ZFAND2A: variants seen among roughly 807,000 people sequenced by gnomAD.
The protein encoded by ZFAND2A is AN1-type zinc finger protein 2A.
Under a neutral mutation model 11.6 loss-of-function variants are expected in ZFAND2A, and 20 were observed. The observed-to-expected ratio is 1.72, with a 90% CI of 1.21 to 2.50. The LOEUF (loss-of-function observed/expected upper bound fraction) is 2.50, where lower values mean the gene tolerates loss of function less well. Among genes scored for constraint, ZFAND2A ranks in the 30% most tolerant of loss-of-function variants. The pLI, the probability that ZFAND2A is intolerant of heterozygous loss-of-function variation, is 0.00. For missense variants in ZFAND2A, 234 were observed against 182.9 expected (o/e 1.28, Z -1.61); for synonymous variants, 93 against 60.6 (o/e 1.54, Z -2.48).
At chr7:1,150,010 G>T (rs1374079342), downstream of ZFAND2A, among the ~76,000 whole-genome samples, 1 of 151,832 alleles carries the variant, frequency 6.6e-6, no homozygotes, top group African/African-American at 2.4e-5. Flanking sequence ...GCACCACCAC[G>T]CCCGGCTAAT....
chr7:1,151,583 A>C (rs1003407215), downstream of ZFAND2A, among the ~76,000 whole-genome samples: 4 of 151,924 alleles, frequency 2.6e-5, no homozygotes, highest in Admixed American at 1.3e-4. Context: ...GTTTCAGGCT[A>C]ACCATCTTCA....
At chr7:1,151,826 G>C (rs1029337321), downstream of ZFAND2A, among the ~76,000 whole-genome samples, 1 of 149,670 alleles carries the variant, frequency 6.7e-6, no homozygotes, top group Non-Finnish European at 1.5e-5. Context: ...TGGCCCGGAG[G>C]TGCTGCTGGG....
At chr7:1,150,404 G>C (rs957664365), downstream of ZFAND2A, among the ~76,000 whole-genome samples, 13 of 152,272 alleles carry the variant, frequency 8.5e-5, no homozygotes, top group African/African-American at 2.9e-4. Flanking sequence ...GGCCAGGGCA[G>C]TTCAGAACAG....
Position 1,153,563 on chromosome 7 carries a change from GTAA to G in ZFAND2A, c.283-342_283-340del, listed in dbSNP as rs1330266033. On this transcript the variant is annotated intron_variant, in intron 4 of 4. Coordinates refer to ENST00000316495, the MANE Select transcript of ZFAND2A (RefSeq NM_182491.4). ...GCCTTAAATTCTTTAACAGCCTCCG[GTAA>G]GAACATTCCCATTTAAACTGGACAC... 1.2e-4 allele frequency among the ~76,000 whole-genome samples: 19 copies of G among 152,264 alleles called. No homozygotes were observed. In the East Asian group the frequency reaches 3.7e-3, roughly 29 times the overall value.
chr7:1,158,793 A>C (rs1793596607), intron 1 of ZFAND2A, among the ~76,000 whole-genome samples: 1 of 152,180 alleles, frequency 6.6e-6, no homozygotes, highest in Non-Finnish European at 1.5e-5. Flanking sequence ...TCACTATGGA[A>C]AACAGGCAGA....
chr7:1,150,149 T>C (rs968305064), downstream of ZFAND2A, among the ~76,000 whole-genome samples: 1 of 150,902 alleles, frequency 6.6e-6, no homozygotes, highest in African/African-American at 2.4e-5. Flanking sequence ...AAAAAGTTTG[T>C]CAGATTAAAA....
chr7:1,151,176 C>G (rs1436133005), downstream of ZFAND2A, among the ~76,000 whole-genome samples: 2 of 152,326 alleles, frequency 1.3e-5, no homozygotes, highest in Middle Eastern at 6.8e-3. Flanking sequence ...GCGTGAGCCA[C>G]TGCGCCTGGC....
downstream of ZFAND2A, among the ~76,000 whole-genome samples, chr7:1,148,963 G>A (rs1333078604): frequency 6.6e-6 from 1 of 150,614 alleles, no homozygotes; most frequent in Non-Finnish European, 1.5e-5. Flanking sequence ...CCATCTGTCT[G>A]GCTATTTATT....
At chr7:1,156,699 C>T (rs1462647722) in intron 3 of ZFAND2A, among the ~76,000 whole-genome samples, 1 of 152,248 alleles carries the variant, frequency 6.6e-6, no homozygotes, top group African/African-American at 2.4e-5. Context: ...CGACATGGAA[C>T]GGGTGGCAGG....
rs1793431701 is a variant in ZFAND2A at position 1,153,010 on chromosome 7, T to C, written c.*59A>G. 1.9e-6 allele frequency: 3 copies of C among 1,605,122 alleles called. No individual in the cohort carries two copies. Among genetic ancestry groups the C allele is most frequent in the Non-Finnish European group, 2.6e-6 (3 of 1,175,086 alleles). Reference sequence around the variant, plus strand: ...AATGGGGCTCCACTTCCCACTAGAGTGTAAGCTGCTTCCACGCATGCTACT... The same window carrying C: ...AATGGGGCTCCACTTCCCACTAGAGCGTAAGCTGCTTCCACGCATGCTACT... On this transcript the variant is annotated 3_prime_UTR_variant, in exon 5 of 5. Transcript: ENST00000316495.
intron 4 of ZFAND2A, among the ~76,000 whole-genome samples, chr7:1,154,258 G>A (rs1793469281): frequency 6.6e-6 from 1 of 151,798 alleles, no homozygotes; most frequent in Admixed American, 6.6e-5. Context: ...CTCCAAGAGG[G>A]GAAGGCAGTG....
At chr7:1,159,330 CG>C (rs1793617360) in intron 1 of ZFAND2A, among the ~76,000 whole-genome samples, 1 of 152,226 alleles carries the variant, frequency 6.6e-6, no homozygotes, top group South Asian at 2.1e-4. Flanking sequence ...CCTACCCTGG[CG>C]GGCCGGGCCC....
Position 1,157,874 on chromosome 7 carries a change from C to T in ZFAND2A, c.56-124G>A, listed in dbSNP as rs1407045969. 6.4e-6 allele frequency: 5 copies of T among 784,786 alleles called. No individual in the cohort carries two copies. In the Admixed American group the frequency reaches 1.4e-4, roughly 22 times the overall value. The allele number at this position is 784,786 out of a possible 1,614,324, so 48.6% of individuals were successfully genotyped here. ...ATGAGATGGACAGGTCCTCGAGGGC[C>T]ACACATGTGAAAACAATCCCAGGGT... On this transcript the variant is annotated intron_variant, in intron 2 of 4. Transcript: ENST00000316495.
chr7:1,150,525 C>T (rs1186130851), downstream of ZFAND2A, among the ~76,000 whole-genome samples: 4 of 152,170 alleles, frequency 2.6e-5, no homozygotes, highest in Non-Finnish European at 5.9e-5. Flanking sequence ...AATCTAACAC[C>T]AGTATTTACG....
chr7:1,150,644 C>T (rs888504395), downstream of ZFAND2A, among the ~76,000 whole-genome samples: 1 of 152,204 alleles, frequency 6.6e-6, no homozygotes, highest in Admixed American at 6.5e-5. Context: ...CACTACCCCC[C>T]TTCCCTCCCG....
At chr7:1,153,752 T>C (rs111984455) in intron 4 of ZFAND2A, among the ~76,000 whole-genome samples, 5,217 of 152,132 alleles carry the variant, frequency 0.034, 160 homozygotes, top group African/African-American at 0.075. Context: ...CGAGACAAGC[T>C]TGGGCAACAT....
chr7:1,159,349 G>T (rs59676244), intron 1 of ZFAND2A, among the ~76,000 whole-genome samples: 18 of 152,220 alleles, frequency 1.2e-4, no homozygotes, highest in Admixed American at 1.0e-3. Flanking sequence ...CCCGCAGCAA[G>T]AAAACACACA....
chr7:1,158,099 A>G (rs1793574447), intron 2 of ZFAND2A, 59 bp downstream of exon 2: 1 of 1,523,494 alleles, frequency 6.6e-7, no homozygotes, highest in Non-Finnish European at 9.1e-7. Flanking sequence ...AATTAACAGA[A>G]CAGCCAGCTT....
chr7:1,158,675 T>C (rs1358434216), intron 1 of ZFAND2A, among the ~76,000 whole-genome samples: 1 of 146,238 alleles, frequency 6.8e-6, no homozygotes, highest in Non-Finnish European at 1.5e-5. Context: ...GATTTAACTC[T>C]GTCCCTCGCC....
Sources: gnomAD v4.1 joint callset for allele counts (sites outside exome capture counted in the v4.1 genomes callset) on GRCh38, gnomAD v4.1.1 for gene constraint, MANE v1.5 for transcripts, NCBI Gene and HGNC (gene_info 2026-07-23, HGNC 2026-07-21) for gene names.